ANKFN1: variants seen among roughly 807,000 people sequenced by gnomAD.
ANKFN1 encodes the protein ankyrin repeat and fibronectin type-III domain-containing protein 1.
Under a neutral mutation model 108.7 loss-of-function variants are expected in ANKFN1, and 74 were observed. The ratio of observed to expected loss-of-function variants is 0.68; its 90% CI spans 0.56 to 0.83. The LOEUF (loss-of-function observed/expected upper bound fraction) is 0.83, where lower values mean the gene tolerates loss of function less well. ANKFN1 is among the 40% of genes least tolerant of loss of function. The pLI, the probability that ANKFN1 is intolerant of heterozygous loss-of-function variation, is 0.00. For synonymous variants in ANKFN1, 547 were observed against 516.2 expected (o/e 1.06, Z -0.81); for missense variants, 1,505 against 1,382.3 (o/e 1.09, Z -1.41).
intron 4 of ANKFN1, among the ~76,000 whole-genome samples, chr17:56,108,267 C>T (rs534091418): frequency 6.6e-6 from 1 of 152,296 alleles, no homozygotes; most frequent in South Asian, 2.1e-4. Flanking sequence ...ATCTCTTGAC[C>T]TCGTGATCTG....
chr17:56,094,680 T>TG (rs1555593337), intron 4 of ANKFN1, among the ~76,000 whole-genome samples: 1 of 57,620 alleles, frequency 1.7e-5, no homozygotes, highest in African/African-American at 3.8e-5. Flanking sequence ...ATTGGGTTTT[T>TG]TTTTTTTTTT....
At chr17:56,153,396 C>T (rs1234676557), upstream of ANKFN1, 1 of 1,351,416 alleles carries the variant, frequency 7.4e-7, no homozygotes, top group Non-Finnish European at 1.1e-6. Flanking sequence ...TGCTCAGTCT[C>T]CCTGGATAAA....
At chr17:56,081,031 G>A (rs60342666) in intron 4 of ANKFN1, among the ~76,000 whole-genome samples, 6,341 of 152,248 alleles carry the variant, frequency 0.042, 433 homozygotes, top group African/African-American at 0.15. Flanking sequence ...CTGGAAGAGC[G>A]TGGAATACAA....
chr17:56,075,990 C>A (rs1365033488), intron 4 of ANKFN1, among the ~76,000 whole-genome samples: 1 of 152,134 alleles, frequency 6.6e-6, no homozygotes, highest in Non-Finnish European at 1.5e-5. Context: ...GACAGACTAA[C>A]CCTCTTGAAC....
chr17:56,207,084 GTTCTACTTTTTATATT>G (rs1736321245), intron 1 of ANKFN1: 1 of 152,112 alleles, frequency 6.6e-6, no homozygotes, highest in South Asian at 2.1e-4. Context: ...TTTCAATCTT[GTTCTACTTTTTATATT>G]TCTCCATCTG....
Position 56,374,646 on chromosome 17 carries a change from G to A in ANKFN1, c.842G>A (p.Ser281Asn), listed in dbSNP as rs749456469. The change falls in exon 8 of 21, where the codon AGC (serine) becomes AAC (asparagine). Residue 281 changes from serine to asparagine, a missense_variant. Coordinates refer to ENST00000682825, the MANE Select transcript of ANKFN1 (RefSeq NM_001370326.1). ...AATGTCTGTCTCATGGTAACCAGCA[G>A]CACATCACTCACTGTCAGCTTCCAA... is the stretch of plus-strand genomic sequence containing the variant. The part of the protein sequence containing the change: ...PTNVCLMVTS[S>N]TSLTVSFQEP... 3 of 1,613,952 alleles carry A rather than the reference G, an allele frequency of 1.9e-6. No individual in the cohort carries two copies. Among genetic ancestry groups the A allele is most frequent in the Non-Finnish European group, 2.5e-6 (3 of 1,179,858 alleles).
chr17:56,268,037 C>G (rs1047227079), intron 3 of ANKFN1, among the ~76,000 whole-genome samples: 1 of 151,956 alleles, frequency 6.6e-6, no homozygotes, highest in East Asian at 1.9e-4. Context: ...GGAATGAAAA[C>G]TAACAAAGAT....
chr17:56,189,179 T>TTTTTTTTTTGTTTTGTTTTG, intron 1 of ANKFN1, among the ~76,000 whole-genome samples: 1 of 111,378 alleles, frequency 9.0e-6, no homozygotes, highest in African/African-American at 4.9e-5. Flanking sequence ...ACTTTTTTTT[T>TTTTTTTTTTGTTTTGTTTTG]TTTTTTTTTG....
chr17:56,488,113 A>C (rs530051269), intron 18 of ANKFN1, among the ~76,000 whole-genome samples: 2 of 152,226 alleles, frequency 1.3e-5, no homozygotes, highest in Non-Finnish European at 2.9e-5. Flanking sequence ...TGGTCTTATT[A>C]GATTTTGACA....
At chr17:56,188,539 ATGTATATGTGTGTGTGTGTG>A (rs1274258875) in intron 1 of ANKFN1, among the ~76,000 whole-genome samples, 1 of 92,996 alleles carries the variant, frequency 1.1e-5, no homozygotes, top group Non-Finnish European at 1.9e-5. Context: ...ATAAAATAAG[ATGTATATGTGTGTGTGTGTG>A]TGTATGTGTG....
chr17:56,487,101 TGTG>T (rs2050880181), intron 18 of ANKFN1, among the ~76,000 whole-genome samples: 1 of 152,094 alleles, frequency 6.6e-6, no homozygotes, highest in Non-Finnish European at 1.5e-5. Context: ...CAGGATTACT[TGTG>T]GGGTCAAGAT....
chr17:56,443,184 CT>C (rs2049170595), intron 10 of ANKFN1, among the ~76,000 whole-genome samples: 1 of 152,160 alleles, frequency 6.6e-6, no homozygotes, highest in Non-Finnish European at 1.5e-5. Context: ...CTCTTATCAT[CT>C]GTGTGGCCTT....
At chr17:56,427,255 A>G (rs1222020763) in intron 8 of ANKFN1, among the ~76,000 whole-genome samples, 3 of 152,188 alleles carry the variant, frequency 2.0e-5, no homozygotes, top group African/African-American at 4.8e-5. Flanking sequence ...GAAACAGGTG[A>G]CTAAAAGATA....
At chr17:56,074,341 T>C (rs1335892584) in intron 4 of ANKFN1, among the ~76,000 whole-genome samples, 1 of 152,198 alleles carries the variant, frequency 6.6e-6, no homozygotes, top group Admixed American at 6.5e-5. Context: ...TGTTGAATGA[T>C]CAATGAGTCT....
intron 6 of ANKFN1, among the ~76,000 whole-genome samples, chr17:56,369,915 T>G (rs1007245501): frequency 6.6e-6 from 1 of 152,218 alleles, no homozygotes; most frequent in Non-Finnish European, 1.5e-5. Flanking sequence ...GATAGAGTTT[T>G]ACAAAGTTTC....
intron 4 of ANKFN1, among the ~76,000 whole-genome samples, chr17:56,111,392 C>T (rs1905953324): frequency 6.6e-6 from 1 of 152,144 alleles, no homozygotes; most frequent in Admixed American, 6.5e-5. Flanking sequence ...ACCTCTCTGC[C>T]TCTCCTTGTG....
At chr17:56,249,471 T>C (rs1219388897) in intron 3 of ANKFN1, among the ~76,000 whole-genome samples, 1 of 151,960 alleles carries the variant, frequency 6.6e-6, no homozygotes, top group Non-Finnish European at 1.5e-5. Context: ...TAATTTCTCA[T>C]CTGCAAATTC....
intron 18 of ANKFN1, 50 bp from the exon 19 acceptor site, chr17:56,492,137 A>G (rs1462614121): frequency 3.0e-6 from 2 of 677,294 alleles, no homozygotes; most frequent in South Asian, 1.5e-5. Context: ...GAATTTCTCT[A>G]TTTTGATACC....
intron 3 of ANKFN1, among the ~76,000 whole-genome samples, chr17:56,288,236 TA>T (rs1408765391): frequency 6.6e-6 from 1 of 152,200 alleles, no homozygotes; most frequent in Admixed American, 6.5e-5. Flanking sequence ...AGAAAACTGT[TA>T]TTAGTTTCCT....
Sources: allele counts gnomAD v4.1 joint callset (sites outside exome capture counted in the v4.1 genomes callset), GRCh38; gene constraint gnomAD v4.1.1; transcripts MANE v1.5; gene names NCBI Gene and HGNC (gene_info 2026-07-23, HGNC 2026-07-21).